Variants in AFG2A observed in about 807,000 individuals in gnomAD.
AFG2A encodes the protein ATPase family gene 2 protein homolog A.
At chr4:123,183,495 A>T in the AFG2A span, among the ~76,000 whole-genome samples, 3,224 of 152,322 alleles carry the variant, frequency 0.021, 64 homozygotes, top group Non-Finnish European at 0.035. Flanking sequence ...CAAATTAGTT[A>T]TGCTACATGT....
At chr4:123,219,441 A>G in the AFG2A span, among the ~76,000 whole-genome samples, 32 of 152,306 alleles carry the variant, frequency 2.1e-4, no homozygotes, top group Non-Finnish European at 4.4e-4. Context: ...ACACCCAGTA[A>G]CAATTCTTTA....
chr4:122,953,087 C>A, the AFG2A span, among the ~76,000 whole-genome samples: 3 of 152,188 alleles, frequency 2.0e-5, no homozygotes, highest in Non-Finnish European at 4.4e-5. Context: ...TTCATTATGT[C>A]CCCCCAGCAG....
the AFG2A span, among the ~76,000 whole-genome samples, chr4:123,114,349 G>C: frequency 6.6e-6 from 1 of 152,084 alleles, no homozygotes; most frequent in African/African-American, 2.4e-5. Context: ...TCCCACCCAG[G>C]AACCTGTCTG....
At chr4:123,057,989 T>C in the AFG2A span, among the ~76,000 whole-genome samples, 9 of 152,162 alleles carry the variant, frequency 5.9e-5, no homozygotes, top group Non-Finnish European at 1.0e-4. Context: ...TGGTGGTAAT[T>C]ACAGTGAAGG....
the AFG2A span, among the ~76,000 whole-genome samples, chr4:122,951,082 G>A: frequency 1.3e-5 from 2 of 152,102 alleles, no homozygotes; most frequent in African/African-American, 2.4e-5. Context: ...TTCCAGGTTG[G>A]TGTAGATGCA....
chr4:123,311,034 A>C, the AFG2A span, among the ~76,000 whole-genome samples: 1 of 152,160 alleles, frequency 6.6e-6, no homozygotes, highest in African/African-American at 2.4e-5. Flanking sequence ...AACACTCAGA[A>C]GTTCTCTAGG....
At chr4:123,267,926 G>T in the AFG2A span, among the ~76,000 whole-genome samples, 3 of 151,972 alleles carry the variant, frequency 2.0e-5, no homozygotes, top group African/African-American at 7.2e-5. Context: ...GAGTATGTCT[G>T]TAAAGCTATG....
the AFG2A span, among the ~76,000 whole-genome samples, chr4:122,930,955 TGG>T: frequency 4.5e-5 from 1 of 22,052 alleles, no homozygotes; most frequent in South Asian, 3.1e-3. Context: ...GTTTTAAATG[TGG>T]CAGCAGAGTA....
At chr4:123,267,639 A>G in the AFG2A span, among the ~76,000 whole-genome samples, 618 of 152,214 alleles carry the variant, frequency 4.1e-3, 1 homozygote, top group African/African-American at 0.014. Context: ...GATTGAAAGC[A>G]AGAATTGTAT....
the AFG2A span, among the ~76,000 whole-genome samples, chr4:122,973,572 A>C: frequency 1.3e-5 from 2 of 151,236 alleles, no homozygotes; most frequent in African/African-American, 4.9e-5. Context: ...TGAATATCCT[A>C]TGTTTGTCTC....
the AFG2A span, among the ~76,000 whole-genome samples, chr4:123,170,995 G>A: frequency 3.3e-5 from 5 of 152,196 alleles, no homozygotes; most frequent in Admixed American, 6.5e-5. Context: ...CAGTTAGAAC[G>A]GTACCTCATA....
chr4:122,993,770 A>G, the AFG2A span, among the ~76,000 whole-genome samples: 1 of 151,958 alleles, frequency 6.6e-6, no homozygotes, highest in African/African-American at 2.4e-5. Context: ...TATTGTCAGA[A>G]ATTGATATTG....
chr4:123,313,423 ACT>A, the AFG2A span, among the ~76,000 whole-genome samples: 2 of 152,246 alleles, frequency 1.3e-5, no homozygotes, highest in East Asian at 3.9e-4. Flanking sequence ...GAATGTGGAA[ACT>A]CTGTGCTATG....
the AFG2A span, among the ~76,000 whole-genome samples, chr4:123,192,732 T>C: frequency 6.6e-6 from 1 of 152,202 alleles, no homozygotes; most frequent in African/African-American, 2.4e-5. Context: ...CAGAAGTGTA[T>C]TGAAAAGTCA....
chr4:123,132,597 CAT>C, the AFG2A span, among the ~76,000 whole-genome samples: 2,613 of 140,312 alleles, frequency 0.019, 29 homozygotes, highest in African/African-American at 0.035. Context: ...GATGTGTGTA[CAT>C]ATATATATAT....
chr4:123,215,107 T>G, the AFG2A span, among the ~76,000 whole-genome samples: 1 of 152,116 alleles, frequency 6.6e-6, no homozygotes, highest in Non-Finnish European at 1.5e-5. Context: ...CATGTTGATA[T>G]AGAAACATTC....
chr4:123,232,473 G>T, the AFG2A span, among the ~76,000 whole-genome samples: 1 of 151,950 alleles, frequency 6.6e-6, no homozygotes, highest in African/African-American at 2.4e-5. Context: ...GACAGAAAAG[G>T]CATTTCTTAA....
At chr4:123,109,380 TTTC>T in the AFG2A span, among the ~76,000 whole-genome samples, 8 of 152,178 alleles carry the variant, frequency 5.3e-5, no homozygotes. Context: ...TTGTGAGTGC[TTTC>T]ACACTGCAAT....
chr4:123,312,256 T>C, the AFG2A span, among the ~76,000 whole-genome samples: 4 of 152,224 alleles, frequency 2.6e-5, no homozygotes, highest in African/African-American at 9.6e-5. Context: ...AGGCTCTCTA[T>C]TCTCTGAGGG....
Sources: gnomAD v4.1 joint callset for allele counts (sites outside exome capture counted in the v4.1 genomes callset) on GRCh38, gnomAD v4.1.1 for gene constraint, MANE v1.5 for transcripts, NCBI Gene and HGNC (gene_info 2026-07-23, HGNC 2026-07-21) for gene names.